Variants in CENPP observed in about 807,000 individuals in gnomAD.
CENPP encodes centromere protein P.
CENPP carries 24 observed loss-of-function variants against 35.6 expected under a neutral mutation model. The observed-to-expected ratio is 0.67, with a 90% CI of 0.49 to 0.95. CENPP has a LOEUF of 0.95. Among genes scored for constraint, CENPP ranks in the 40% least tolerant of loss-of-function variants. The pLI, the probability that CENPP is intolerant of heterozygous loss-of-function variation, is 0.00. For missense variants in CENPP, 332 were observed against 345.3 expected, an observed-to-expected ratio of 0.96 and a Z score of 0.31; for synonymous variants, 120 against 125.5, an observed-to-expected ratio of 0.96 and a Z score of 0.29.
chr9:92,469,837 C>A (rs1228927599), intron 5 of CENPP, among the ~76,000 whole-genome samples: 2 of 152,148 alleles, frequency 1.3e-5, no homozygotes. Flanking sequence ...ATTTTACTTG[C>A]TAAAATCTGG....
rs1236950268 is a variant in CENPP at position 92,618,218 on chromosome 9, G to C, written c.*5069G>C. On this transcript the variant is annotated 3_prime_UTR_variant, in exon 8 of 8. Transcript: ENST00000375587. Reference sequence around the variant, plus strand: ...CCTTTTGTTGAGAAAGGCCTGGCTAGAGTGCTTTGTGCAGGATGGTTCCAG... The same window carrying C: ...CCTTTTGTTGAGAAAGGCCTGGCTACAGTGCTTTGTGCAGGATGGTTCCAG... The C allele has an allele frequency of 2.2e-6, 1 of 456,672 alleles. No homozygotes were observed. 28.3% of individuals were successfully genotyped at this position (456,672 alleles called of 1,614,324 possible).
At chr9:92,583,996 C>A (rs1850487993) in intron 5 of CENPP, among the ~76,000 whole-genome samples, 1 of 152,206 alleles carries the variant, frequency 6.6e-6, no homozygotes, top group African/African-American at 2.4e-5. Context: ...TGAACCATTA[C>A]AAGCCCCATG....
chr9:92,478,780 A>C (rs1845805302), intron 5 of CENPP, among the ~76,000 whole-genome samples: 1 of 152,092 alleles, frequency 6.6e-6, no homozygotes, highest in Non-Finnish European at 1.5e-5. Flanking sequence ...TTCCCATAGA[A>C]TCTTTGAACC....
At chr9:92,404,570 A>C in intron 5 of CENPP, 1 of 1,293,478 alleles carries the variant, frequency 7.7e-7, no homozygotes, top group Non-Finnish European at 1.0e-6. Flanking sequence ...CCCAAGTGGG[A>C]GGGTGAATGA....
chr9:92,373,687 G>A (rs1247779207), intron 4 of CENPP, among the ~76,000 whole-genome samples: 6 of 152,052 alleles, frequency 3.9e-5, no homozygotes, highest in Non-Finnish European at 8.8e-5. Flanking sequence ...TTAGCTGGGC[G>A]TGGTGGTGCG....
At chr9:92,418,739 T>G (rs1421691838) in intron 5 of CENPP, among the ~76,000 whole-genome samples, 1 of 152,214 alleles carries the variant, frequency 6.6e-6, no homozygotes, top group Non-Finnish European at 1.5e-5. Flanking sequence ...GTGTGATAAC[T>G]TCAGATATTT....
At chr9:92,577,852 G>A (rs1462132833) in intron 5 of CENPP, among the ~76,000 whole-genome samples, 3 of 151,234 alleles carry the variant, frequency 2.0e-5, no homozygotes, top group African/African-American at 7.3e-5. Context: ...ACAATGTGCA[G>A]GTTAGTTACA....
intron 5 of CENPP, among the ~76,000 whole-genome samples, chr9:92,559,581 C>T (rs547300128): frequency 7.9e-5 from 12 of 152,166 alleles, no homozygotes; most frequent in Non-Finnish European, 1.6e-4. Context: ...ATTCACAATG[C>T]AGGCCTCCAG....
chr9:92,419,741 C>A (rs1843730158), intron 5 of CENPP, among the ~76,000 whole-genome samples: 1 of 152,100 alleles, frequency 6.6e-6, no homozygotes, highest in Non-Finnish European at 1.5e-5. Context: ...TTAAAAAATC[C>A]TACCTCTTTT....
chr9:92,567,065 G>A (rs1249584846), intron 5 of CENPP, among the ~76,000 whole-genome samples: 1 of 152,082 alleles, frequency 6.6e-6, no homozygotes, highest in African/African-American at 2.4e-5. Flanking sequence ...TCTTTCAAAA[G>A]TGAGGGAGAA....
intron 5 of CENPP, chr9:92,416,632 AT>A: frequency 6.5e-7 from 1 of 1,550,276 alleles, no homozygotes; most frequent in African/African-American, 1.4e-5. Context: ...CTATTTCATT[AT>A]TTTGTAGGTA....
intron 5 of CENPP, among the ~76,000 whole-genome samples, chr9:92,439,212 TATA>T (rs1261608311): frequency 6.6e-6 from 1 of 152,178 alleles, no homozygotes; most frequent in Non-Finnish European, 1.5e-5. Flanking sequence ...ATTTTAAAAA[TATA>T]ATAATAGTGG....
intron 5 of CENPP, among the ~76,000 whole-genome samples, chr9:92,519,462 A>G (rs1291204068): frequency 6.6e-6 from 1 of 152,240 alleles, no homozygotes; most frequent in Non-Finnish European, 1.5e-5. Context: ...TGATACTAGT[A>G]TAAGCATAGA....
At chr9:92,546,669 C>CA (rs1225564620) in intron 5 of CENPP, among the ~76,000 whole-genome samples, 2 of 152,198 alleles carry the variant, frequency 1.3e-5, no homozygotes, top group Non-Finnish European at 2.9e-5. Context: ...CTGTAACACT[C>CA]ACCGTGAGGG....
chr9:92,403,471 C>T, intron 5 of CENPP: 1 of 1,520,242 alleles, frequency 6.6e-7, no homozygotes, highest in African/African-American at 1.4e-5. Flanking sequence ...TGGGACAAAA[C>T]TCTCTTTTTC....
intron 5 of CENPP, among the ~76,000 whole-genome samples, chr9:92,419,839 T>C (rs989616627): frequency 6.6e-6 from 1 of 152,218 alleles, no homozygotes; most frequent in Non-Finnish European, 1.5e-5. Flanking sequence ...AAATGACTTA[T>C]CTCCTGTTCA....
upstream of CENPP, chr9:92,325,774 C>A (rs1350189120): frequency 2.5e-5 from 13 of 530,282 alleles, no homozygotes; most frequent in Non-Finnish European, 4.0e-5. Context: ...ACTGCTTAGA[C>A]AGCCAGGGAA....
intron 5 of CENPP, among the ~76,000 whole-genome samples, chr9:92,567,328 AAATTGAC>A (rs1471667166): frequency 4.7e-5 from 7 of 147,404 alleles, no homozygotes; most frequent in Non-Finnish European, 9.0e-5. Context: ...TGTATTTTTT[AAATTGAC>A]AATTATACAT....
chr9:92,357,494 T>C (rs146668722), intron 4 of CENPP, among the ~76,000 whole-genome samples: 9 of 99,264 alleles, frequency 9.1e-5, no homozygotes, highest in Middle Eastern at 5.3e-3. Context: ...TTATTATTAT[T>C]ATTATTATTA....
Sources: allele counts gnomAD v4.1 joint callset (sites outside exome capture counted in the v4.1 genomes callset), GRCh38; gene constraint gnomAD v4.1.1; transcripts MANE v1.5; gene names NCBI Gene and HGNC (gene_info 2026-07-23, HGNC 2026-07-21).